Variants in DRD2 observed in about 807,000 individuals in gnomAD.
DRD2 encodes the protein dopamine receptor D2, also known as D(2) dopamine receptor.
In DRD2, 8 loss-of-function variants were observed where a neutral mutation model predicts 38.0. The ratio of observed to expected loss-of-function variants is 0.21; its 90% CI spans 0.12 to 0.38. The LOEUF (loss-of-function observed/expected upper bound fraction) is 0.38, where lower values mean the gene tolerates loss of function less well. Among genes scored for constraint, DRD2 ranks in the 10% least tolerant of loss-of-function variants. The pLI is 1.00. For synonymous variants in DRD2, 230 were observed against 238.6 expected (o/e 0.96, Z 0.33); for missense variants, 403 against 607.7 (o/e 0.66, Z 3.54).
At chr11:113,415,301 C>T in intron 5 of DRD2, 120 bp downstream of exon 5, 1 of 1,313,288 alleles carries the variant, frequency 7.6e-7, no homozygotes, top group Non-Finnish European at 1.0e-6. Flanking sequence ...CCTGGGAATT[C>T]CTTTAGCCTA....
At chr11:113,444,837 A>G (rs1951129258) in intron 1 of DRD2, among the ~76,000 whole-genome samples, 1 of 152,254 alleles carries the variant, frequency 6.6e-6, no homozygotes, top group South Asian at 2.1e-4. Flanking sequence ...ATATGAGCAC[A>G]AGCCAGACCA....
chr11:113,414,072 G>A (rs963082335), intron 6 of DRD2: 10 of 419,602 alleles, frequency 2.4e-5, no homozygotes, highest in Middle Eastern at 7.2e-4. Context: ...TCGTGGTGAG[G>A]ATTTGATGAG....
At chr11:113,415,237 G>A (rs548054987) in intron 5 of DRD2, 184 bp downstream of exon 5, 19 of 570,928 alleles carry the variant, frequency 3.3e-5, no homozygotes, top group African/African-American at 3.0e-4. Flanking sequence ...CTCTCCTGGA[G>A]ACTCAGATTG....
At chr11:113,461,779 T>C (rs1477618189) in intron 1 of DRD2, among the ~76,000 whole-genome samples, 1 of 152,198 alleles carries the variant, frequency 6.6e-6, no homozygotes, top group East Asian at 1.9e-4. Context: ...CAACTTCAAA[T>C]CCCTGAGTTC....
At chr11:113,450,369 C>G (rs1019270857) in intron 1 of DRD2, among the ~76,000 whole-genome samples, 8 of 152,332 alleles carry the variant, frequency 5.3e-5, no homozygotes, top group African/African-American at 1.9e-4. Context: ...AGGGTTATTA[C>G]TCCCTCTTTA....
At chr11:113,443,403 G>A (rs1371007236) in intron 1 of DRD2, among the ~76,000 whole-genome samples, 1 of 152,176 alleles carries the variant, frequency 6.6e-6, no homozygotes, top group Admixed American at 6.5e-5. Context: ...TGCTCCTGGG[G>A]TATCCAGCGC....
At chr11:113,430,651 G>T (rs1341289918) in intron 1 of DRD2, among the ~76,000 whole-genome samples, 1 of 152,202 alleles carries the variant, frequency 6.6e-6, no homozygotes, top group Non-Finnish European at 1.5e-5. Flanking sequence ...GGCTCCAAGG[G>T]GCATCCCAAA....
chr11:113,426,749 G>A (rs1950944653), intron 1 of DRD2, among the ~76,000 whole-genome samples: 1 of 152,166 alleles, frequency 6.6e-6, no homozygotes, highest in Non-Finnish European at 1.5e-5. Context: ...AATTCCATGT[G>A]GGGTGACATG....
chr11:113,427,039 T>C (rs751223272), intron 1 of DRD2, among the ~76,000 whole-genome samples: 17 of 152,248 alleles, frequency 1.1e-4, no homozygotes, highest in Non-Finnish European at 2.1e-4. Flanking sequence ...CATCGCTCTC[T>C]TCTTCTCCCC....
In DRD2 at chr11:113,412,557, G is replaced by C. The variant is rs752872204; in HGVS notation, c.1137C>G (p.Leu379=). Residue 379 remains leucine (L), a splice_region_variant and synonymous_variant, in exon 7 of 8, where the codon CTC becomes CTG. Transcript: ENST00000362072. ...GGCCAGCAGCCAGGGCCGACTCACCGAGAACAATGGCGAGCATCTGAGTGG... is the reference window on the plus strand; with the variant it reads ...GGCCAGCAGCCAGGGCCGACTCACCCAGAACAATGGCGAGCATCTGAGTGG... The part of the protein sequence containing the change: ...KKATQMLAIV[L]GVFIICWLPF... 4.3e-6 allele frequency: 7 copies of C among 1,612,348 alleles called. No individual in the cohort carries two copies. Among genetic ancestry groups the C allele is most frequent in the Non-Finnish European group, 8.5e-7 (1 of 1,180,038 alleles).
chr11:113,415,167 T>C, intron 5 of DRD2: 1 of 409,718 alleles, frequency 2.4e-6, no homozygotes. Flanking sequence ...CCGCCTTCAG[T>C]CACAAAGATC....
chr11:113,437,596 AG>A (rs1204551519), intron 1 of DRD2, among the ~76,000 whole-genome samples: 1 of 152,198 alleles, frequency 6.6e-6, no homozygotes, highest in African/African-American at 2.4e-5. Flanking sequence ...TAGTGTCTCC[AG>A]GACATGGGGC....
chr11:113,455,076 C>T (rs1416393942), intron 1 of DRD2, among the ~76,000 whole-genome samples: 2 of 152,110 alleles, frequency 1.3e-5, no homozygotes, highest in African/African-American at 2.4e-5. Context: ...GGGCCGGGCA[C>T]GGTGGCTCAT....
intron 7 of DRD2, among the ~76,000 whole-genome samples, chr11:113,411,317 ACACT>A (rs1415346977): frequency 6.6e-6 from 1 of 152,146 alleles, no homozygotes; most frequent in Non-Finnish European, 1.5e-5. Flanking sequence ...CATAAGAAAA[ACACT>A]CACAACAGCT....
chr11:113,436,318 A>G (rs1951036128), intron 1 of DRD2, among the ~76,000 whole-genome samples: 2 of 152,184 alleles, frequency 1.3e-5, no homozygotes, highest in African/African-American at 4.8e-5. Context: ...ATAAATTGCA[A>G]AGAAAAAAAA....
chr11:113,463,363 T>C (rs1951340365), intron 1 of DRD2, among the ~76,000 whole-genome samples: 1 of 152,164 alleles, frequency 6.6e-6, no homozygotes, highest in Admixed American at 6.5e-5. Flanking sequence ...GGGTTTGGCA[T>C]GGTAGGAAGT....
At chr11:113,440,394 GAGA>G (rs1396599814) in intron 1 of DRD2, among the ~76,000 whole-genome samples, 1 of 152,220 alleles carries the variant, frequency 6.6e-6, no homozygotes, top group Non-Finnish European at 1.5e-5. Flanking sequence ...GACTTTCAGG[GAGA>G]AGCTCAGGGC....
intron 6 of DRD2, chr11:113,413,331 G>A (rs370132745): frequency 1.1e-5 from 6 of 530,752 alleles, no homozygotes; most frequent in African/African-American, 9.5e-5. Context: ...CACTTCATGG[G>A]TACCTGCACC....
intron 1 of DRD2, among the ~76,000 whole-genome samples, chr11:113,455,932 C>A (rs1951264653): frequency 6.6e-6 from 1 of 152,210 alleles, no homozygotes; most frequent in Non-Finnish European, 1.5e-5. Context: ...AATCTTACAT[C>A]TGGGTGTGTC....
Sources: allele counts gnomAD v4.1 joint callset (sites outside exome capture counted in the v4.1 genomes callset), GRCh38; gene constraint gnomAD v4.1.1; transcripts MANE v1.5; gene names NCBI Gene and HGNC (gene_info 2026-07-23, HGNC 2026-07-21).